The following ZNF154 variants were observed in gnomAD, a reference collection of about 807,000 sequenced individuals.
The protein encoded by ZNF154 is zinc finger protein 154.
In ZNF154, 6 loss-of-function variants were observed where a neutral mutation model predicts 7.5. The ratio of observed to expected loss-of-function variants is 0.80; its 90% CI spans 0.44 to 1.57. The LOEUF is 1.57. Ranked by LOEUF, ZNF154 falls within the 40% of genes most tolerant of loss-of-function variation. ZNF154 has a pLI of 0.01. For synonymous variants in ZNF154, 187 were observed against 185.9 expected, an observed-to-expected ratio of 1.01 and a Z score of -0.05; for missense variants, 485 against 531.4, an observed-to-expected ratio of 0.91 and a Z score of 0.86.
chr19:57,701,640 G>A lies in ZNF154; in HGVS notation c.1309C>T (p.Arg437Ter), dbSNP rs780705185. Residue 437 changes from arginine (R) to a stop codon, truncating the protein, a stop_gained, in exon 3 of 3, where the codon CGA (arginine) becomes TGA (stop). Transcript: ENST00000684351. LOFTEE classifies it high-confidence loss of function. ...SLIKHQRIHS[R>*] is the part of the protein sequence containing the mutation. ...ATTTGCCACTCATAAGGCTTTTATC[G>A]ACTATGAATTCTCTGATGTTTAATA... 18 of 1,609,758 alleles carry A rather than the reference G, an allele frequency of 1.1e-5. No individual in the cohort carries two copies. The highest frequency in any genetic ancestry group is 2.2e-5 in the East Asian group (1 of 44,756).
chr19:57,708,303 C>T (rs967231395), intron 1 of ZNF154, among the ~76,000 whole-genome samples: 1 of 152,202 alleles, frequency 6.6e-6, no homozygotes, highest in African/African-American at 2.4e-5. Flanking sequence ...CACGGTGGCT[C>T]ACGCCTGTAA....
At chr19:57,707,977 A>G (rs768649197) in intron 1 of ZNF154, among the ~76,000 whole-genome samples, 14 of 152,138 alleles carry the variant, frequency 9.2e-5, no homozygotes, top group Admixed American at 1.3e-4. Flanking sequence ...ACATGGGGGT[A>G]GAGGCTACTG....
Position 57,700,326 on chromosome 19 carries a change from A to G in ZNF154, c.*1309T>C, listed in dbSNP as rs1444139498. The G allele has an allele frequency of 2.6e-5, 4 of 152,342 alleles. No homozygotes were observed. The highest frequency in any genetic ancestry group is 9.6e-5 in the African/African-American group (4 of 41,574). The allele number at this position is 152,342 out of a possible 1,614,324, so 9.4% of individuals were successfully genotyped here. On this transcript the variant is annotated 3_prime_UTR_variant, in exon 3 of 3. Transcript: ENST00000684351. ...AAAATCCCAGAGGCTACAGGATTCCATAAAATTTCTGACAATGACCTCAGC... is the reference window on the plus strand; with the variant it reads ...AAAATCCCAGAGGCTACAGGATTCCGTAAAATTTCTGACAATGACCTCAGC...
intron 1 of ZNF154, among the ~76,000 whole-genome samples, chr19:57,707,407 C>G (rs907259300): frequency 6.6e-6 from 1 of 152,160 alleles, no homozygotes; most frequent in East Asian, 1.9e-4. Flanking sequence ...TGTTTCACTC[C>G]CTCGCTGTCT....
At chr19:57,706,923 C>T (rs1459089257) in intron 1 of ZNF154, among the ~76,000 whole-genome samples, 1 of 152,136 alleles carries the variant, frequency 6.6e-6, no homozygotes, top group East Asian at 1.9e-4. Flanking sequence ...ACTAGCCTGA[C>T]CAACATGGAG....
chr19:57,705,641 C>G (rs972266777), intron 1 of ZNF154, among the ~76,000 whole-genome samples: 1 of 151,898 alleles, frequency 6.6e-6, no homozygotes, highest in African/African-American at 2.4e-5. Flanking sequence ...GTAATCCCAG[C>G]TACTCAGGAG....
chr19:57,702,361 C>G lies in ZNF154; in HGVS notation c.588G>C (p.Lys196Asn), dbSNP rs1985203127. 1 of 1,612,772 alleles carries G rather than the reference C, an allele frequency of 6.2e-7. No individual in the cohort carries two copies. Among genetic ancestry groups the G allele is most frequent in the African/African-American group, 1.3e-5 (1 of 74,998 alleles). The change falls in exon 3 of 3, where the codon AAG becomes AAC. Residue 196 changes from lysine (K) to asparagine (N), a missense_variant. Lys to Asn is a moderately conservative substitution (Grantham distance 94). Coordinates refer to ENST00000684351, the MANE Select transcript of ZNF154 (RefSeq NM_001085384.3). The stretch of plus-strand genomic sequence containing the variant: ...TGAGACTAGAGCTTTGCCTAAAGGA[C>G]TTCCCACACTCTCGACATTCATAAG... ...EKPYECRECG[K>N]SFRQSSSLIQ...
rs772052746 is a variant in ZNF154 at position 57,701,678 on chromosome 19, T to C, written c.1271A>G (p.His424Arg). The C allele has an allele frequency of 3.7e-6, 6 of 1,613,840 alleles. No homozygotes were observed. Among genetic ancestry groups the C allele is most frequent in the Non-Finnish European group, 4.2e-6 (5 of 1,179,784 alleles). Reference protein sequence around the residue: ...ECTECGKSFSHNSSLIKHQRI... With the variant: ...ECTECGKSFSRNSSLIKHQRI... ...CTGATGTTTAATAAGGCTGGAGTTA[T>C]GGCTAAAGGATTTCCCACATTCCGT... The change falls in exon 3 of 3, where the codon CAT becomes CGT. Residue 424 changes from histidine to arginine, a missense_variant. Physicochemically the swap from His to Arg is conservative, Grantham distance 29 (BLOSUM62 0). Transcript: ENST00000684351.
In ZNF154 at chr19:57,699,396, T is replaced by A. The variant is rs1028077161; in HGVS notation, c.*2239A>T. The stretch of plus-strand genomic sequence containing the variant: ...CCACCGCACCCGGCTGAGATTTTCT[T>A]ACTTGAGTTCCCAATGGGTCGTAAA... On this transcript the variant is annotated 3_prime_UTR_variant, in exon 3 of 3. Transcript: ENST00000684351. 2.0e-5 allele frequency: 5 copies of A among 244,554 alleles called. No individual in the cohort carries two copies. The highest frequency in any genetic ancestry group is 2.6e-5 in the Non-Finnish European group (3 of 116,986). 15.1% of individuals were successfully genotyped at this position (244,554 alleles called of 1,614,324 possible).
rs915258717 is a variant in ZNF154, at chr19:57,702,782, T to C, written c.167A>G (p.His56Arg). The C allele has an allele frequency of 2.5e-6, 4 of 1,597,874 alleles. No individual in the cohort carries two copies. Among genetic ancestry groups the C allele is most frequent in the Non-Finnish European group, 3.4e-6 (4 of 1,168,702 alleles). ...TTCTCCAAGGTGCTGCTTCTGATGA[T>C]GAACATCTGCAATGAAATACAATTA... is the stretch of plus-strand genomic sequence containing the variant. ...NLALLTSLDVHHQKQHLGEKH... is the reference protein window; with the variant it reads ...NLALLTSLDVRHQKQHLGEKH... The change falls in exon 3 of 3, where the codon CAT becomes CGT. Residue 56 changes from histidine (H) to arginine (R), a missense_variant. By Grantham distance (29) the His-to-Arg change is conservative (BLOSUM62 0). Transcript: ENST00000684351.
At position 57,701,492 on chromosome 19, in the gene ZNF154, T is replaced by C; in HGVS notation, c.*143A>G. ...GTTATATCAACTGGACATCCCTACATATCAAAAGTGTCTTTCCCTTGTGAA... is the reference window on the plus strand; with the variant it reads ...GTTATATCAACTGGACATCCCTACACATCAAAAGTGTCTTTCCCTTGTGAA... On this transcript the variant is annotated 3_prime_UTR_variant, in exon 3 of 3. Transcript: ENST00000684351. 1 of 875,250 alleles carries C rather than the reference T, an allele frequency of 1.1e-6. No individual in the cohort carries two copies. The highest frequency in any genetic ancestry group is 1.7e-6 in the Non-Finnish European group (1 of 584,004). The allele number at this position is 875,250 out of a possible 1,614,324, so 54.2% of individuals were successfully genotyped here.
In ZNF154 at chr19:57,702,245, T is replaced by A. The variant is rs758653329; in HGVS notation, c.704A>T (p.His235Leu). The change falls in exon 3 of 3, where the codon CAT becomes CTT. Residue 235 changes from histidine (H) to leucine (L), a missense_variant. Physicochemically the swap from His to Leu is moderately conservative, Grantham distance 99. Transcript: ENST00000684351. ...LFSNKSNLIK[H>L]RRVHTGERPY... Reference sequence around the variant, plus strand: ...CCTTTCCCCAGTGTGAACTCTCCGATGTTTAATGAGGTTAGACTTGTTGCT... The same window carrying A: ...CCTTTCCCCAGTGTGAACTCTCCGAAGTTTAATGAGGTTAGACTTGTTGCT... 1 of 1,614,236 alleles carries A rather than the reference T, an allele frequency of 6.2e-7. No homozygotes were observed. Among genetic ancestry groups the A allele is most frequent in the South Asian group, 1.1e-5 (1 of 91,086 alleles).
At position 57,705,108 on chromosome 19, in the gene ZNF154, A is replaced by G. The variant is rs942315019; in HGVS notation, c.34-129T>C. The G allele has an allele frequency of 6.9e-6, 9 of 1,301,598 alleles. No individual in the cohort carries two copies. In the East Asian group the frequency reaches 7.4e-5, roughly 11 times the overall value. The allele number at this position is 1,301,598 out of a possible 1,614,324, so 80.6% of individuals were successfully genotyped here. ...CCCAACTGAGAGGAGAAACCAGCAC[A>G]TGGATAAATAGGCATCTAAGCTGGG... On this transcript the variant is annotated intron_variant, in intron 1 of 2. Transcript: ENST00000684351.
chr19:57,701,726 G>T lies in ZNF154; in HGVS notation c.1223C>A (p.Thr408Asn), dbSNP rs1222248309. 1 of 1,614,164 alleles carries T rather than the reference G, an allele frequency of 6.2e-7. No individual in the cohort carries two copies. The highest frequency in any genetic ancestry group is 1.7e-5 in the Admixed American group (1 of 60,028). ...CGTGCACTCATAAGGCTTCTCCCCAGTGTGAACCCTCCTGTGCTTAATGAG... is the reference window on the plus strand; with the variant it reads ...CGTGCACTCATAAGGCTTCTCCCCATTGTGAACCCTCCTGTGCTTAATGAG... ...SGLIKHRRVH[T>N]GEKPYECTEC... Residue 408 changes from threonine to asparagine, a missense_variant, in exon 3 of 3, where the codon ACT (threonine) becomes AAT (asparagine). Physicochemically the swap from Thr to Asn is moderately conservative, Grantham distance 65. Transcript: ENST00000684351.
At chr19:57,705,614 C>T (rs1200661071) in intron 1 of ZNF154, among the ~76,000 whole-genome samples, 1 of 151,956 alleles carries the variant, frequency 6.6e-6, no homozygotes, top group Non-Finnish European at 1.5e-5. Flanking sequence ...ATTAGCCGGG[C>T]GTGGTGAAGC....
rs767979245 is a variant in ZNF154 at position 57,702,040 on chromosome 19, G to A, written c.909C>T (p.Cys303=). The change falls in exon 3 of 3, where the codon TGC becomes TGT. Residue 303 remains cysteine (C), a synonymous_variant. Transcript: ENST00000684351. ...KVHSGSRPYE[C]SECGKSFSQN... is the part of the protein sequence containing the mutation. ...GGCTAAATGACTTCCCACATTCGCT[G>A]CACTCATAAGGCCTGGATCCACTGT... is the stretch of plus-strand genomic sequence containing the variant. 44 of 1,613,514 alleles carry A rather than the reference G, an allele frequency of 2.7e-5. No individual in the cohort carries two copies. Among genetic ancestry groups the A allele is most frequent in the East Asian group, 1.1e-4 (5 of 44,848 alleles).
At chr19:57,706,990 G>A (rs1985419494) in intron 1 of ZNF154, among the ~76,000 whole-genome samples, 2 of 152,042 alleles carry the variant, frequency 1.3e-5, no homozygotes, top group Admixed American at 1.3e-4. Context: ...GCGCATGCCT[G>A]TAATCCCAGC....
In ZNF154 at chr19:57,702,234, G is replaced by C; in HGVS notation, c.715C>G (p.His239Asp). The C allele has an allele frequency of 6.2e-7, 1 of 1,614,224 alleles. No individual in the cohort carries two copies. Among genetic ancestry groups the C allele is most frequent in the Non-Finnish European group, 8.5e-7 (1 of 1,180,032 alleles). Residue 239 changes from histidine to aspartate, a missense_variant, in exon 3 of 3, where the codon CAC (histidine) becomes GAC (aspartate). By Grantham distance (81) the His-to-Asp change is moderately conservative. Coordinates refer to ENST00000684351, the MANE Select transcript of ZNF154 (RefSeq NM_001085384.3). ...CACTCATATGGCCTTTCCCCAGTGT[G>C]AACTCTCCGATGTTTAATGAGGTTA... ...KSNLIKHRRV[H>D]TGERPYECSE...
Position 57,702,105 on chromosome 19 carries a change from A to C in ZNF154, c.844T>G (p.Phe282Val). Residue 282 changes from phenylalanine to valine, a missense_variant, in exon 3 of 3, where the codon TTT becomes GTT. Phe to Val is a conservative substitution (Grantham distance 50, BLOSUM62 -1). Transcript: ENST00000684351. ...PYECSECGKF[F>V]TYHSSLIKHQ... ...TTTATGAGACTGGAATGATATGTAAAAAACTTCCCACATTCACTGCACTCA... is the reference window on the plus strand; with the variant it reads ...TTTATGAGACTGGAATGATATGTAACAAACTTCCCACATTCACTGCACTCA... The C allele has an allele frequency of 6.2e-7, 1 of 1,611,452 alleles. No individual in the cohort carries two copies. Among genetic ancestry groups the C allele is most frequent in the Non-Finnish European group, 8.5e-7 (1 of 1,179,608 alleles).
Sources: allele counts gnomAD v4.1 joint callset (sites outside exome capture counted in the v4.1 genomes callset), GRCh38; gene constraint gnomAD v4.1.1; transcripts MANE v1.5; gene names NCBI Gene and HGNC (gene_info 2026-07-23, HGNC 2026-07-21).